SOAT1: variants seen among roughly 807,000 people sequenced by gnomAD.
The protein encoded by SOAT1 is acyl-coenzyme A:cholesterol acyltransferase 1.
In SOAT1, 55 loss-of-function variants were observed where a neutral mutation model predicts 69.5. The ratio of observed to expected loss-of-function variants is 0.79; its 90% CI spans 0.64 to 0.99. SOAT1 has a LOEUF of 0.99. SOAT1 is among the 50% of genes least tolerant of loss of function. The probability of loss-of-function intolerance (pLI) is 0.00; values close to 1 mark genes in which losing one functional copy is unlikely to be tolerated. For synonymous variants in SOAT1, 231 were observed against 224.7 expected (o/e 1.03, Z -0.25); for missense variants, 580 against 669.3 (o/e 0.87, Z 1.47).
chr1:179,321,688 G>A (rs1010000251), intron 2 of SOAT1, among the ~76,000 whole-genome samples: 1 of 152,006 alleles, frequency 6.6e-6, no homozygotes, highest in African/African-American at 2.4e-5. Flanking sequence ...ATTTCTCTGG[G>A]CTATCCTCTG....
chr1:179,344,352 GGT>G (rs1558056808), intron 10 of SOAT1, among the ~76,000 whole-genome samples: 4 of 120,558 alleles, frequency 3.3e-5, no homozygotes, highest in Admixed American at 8.8e-5. Context: ...TTCATTAAGG[GGT>G]TTTTTTTTTT....
chr1:179,306,168 G>A (rs1187917904), intron 2 of SOAT1, among the ~76,000 whole-genome samples: 3 of 152,146 alleles, frequency 2.0e-5, no homozygotes, highest in Non-Finnish European at 4.4e-5. Flanking sequence ...GGTTTTCATG[G>A]ATAGGAGTAT....
chr1:179,348,753 G>A (rs1345609577), intron 12 of SOAT1, 91 bp from the exon 13 acceptor site: 13 of 670,896 alleles, frequency 1.9e-5, no homozygotes, highest in Non-Finnish European at 3.4e-5. Context: ...GTTTGCTTTC[G>A]GGTGGGATGT....
intron 2 of SOAT1, among the ~76,000 whole-genome samples, chr1:179,310,825 C>A (rs968361787): frequency 6.6e-6 from 1 of 152,162 alleles, no homozygotes; most frequent in East Asian, 1.9e-4. Flanking sequence ...TCTGTTCTTG[C>A]CACAAGTAGA....
intron 15 of SOAT1, 111 bp from the exon 16 acceptor site, chr1:179,353,474 G>T: frequency 1.1e-6 from 1 of 909,658 alleles, no homozygotes; most frequent in Non-Finnish European, 1.8e-6. Context: ...TGAAATGGTG[G>T]GAGGCATTTT....
intron 2 of SOAT1, among the ~76,000 whole-genome samples, chr1:179,313,867 A>G (rs1312095928): frequency 6.6e-6 from 1 of 152,208 alleles, no homozygotes; most frequent in Non-Finnish European, 1.5e-5. Flanking sequence ...TACAGGTGTG[A>G]GCCACCGTGC....
chr1:179,342,627 A>G (rs1435738962), intron 8 of SOAT1, among the ~76,000 whole-genome samples: 1 of 152,116 alleles, frequency 6.6e-6, no homozygotes, highest in Non-Finnish European at 1.5e-5. Flanking sequence ...TTCTTTGCAA[A>G]TTGTTGCTTC....
chr1:179,318,036 TAAA>T (rs35863158), intron 2 of SOAT1, among the ~76,000 whole-genome samples: 3 of 150,694 alleles, frequency 2.0e-5, no homozygotes, highest in Non-Finnish European at 4.4e-5. Flanking sequence ...ACAAAACACT[TAAA>T]AAAAAATTAG....
At chr1:179,343,303 C>A (rs548214841) in intron 9 of SOAT1, among the ~76,000 whole-genome samples, 5 of 152,178 alleles carry the variant, frequency 3.3e-5, no homozygotes, top group African/African-American at 1.2e-4. Context: ...CGGCTCCCTG[C>A]AACCTCTGCC....
At chr1:179,344,847 A>C (rs1666469599) in intron 10 of SOAT1, 100 bp from the exon 11 acceptor site, 15 of 1,086,492 alleles carry the variant, frequency 1.4e-5, no homozygotes, top group African/African-American at 7.8e-5. Flanking sequence ...TGCGAACATT[A>C]CTGTAAGGGT....
At chr1:179,298,021 A>T (rs570137339) in intron 1 of SOAT1, among the ~76,000 whole-genome samples, 35 of 148,596 alleles carry the variant, frequency 2.4e-4, no homozygotes, top group Non-Finnish European at 1.2e-4. Flanking sequence ...AAAAAGATTG[A>T]TGGTGTTTAA....
chr1:179,334,345 G>C (rs1482853417), intron 3 of SOAT1, among the ~76,000 whole-genome samples: 1 of 152,164 alleles, frequency 6.6e-6, no homozygotes, highest in Non-Finnish European at 1.5e-5. Flanking sequence ...ATAGATTATA[G>C]AAGTGTAATT....
chr1:179,338,173 G>T (rs1666220969), intron 5 of SOAT1, among the ~76,000 whole-genome samples: 1 of 152,170 alleles, frequency 6.6e-6, no homozygotes, highest in South Asian at 2.1e-4. Flanking sequence ...CAGATCGCTT[G>T]AGTCCAGGAG....
chr1:179,351,517 A>C (rs1666733156), intron 15 of SOAT1, 55 bp downstream of exon 15: 3 of 1,576,720 alleles, frequency 1.9e-6, no homozygotes, highest in Non-Finnish European at 2.6e-6. Flanking sequence ...TCTGTTTGTG[A>C]GAGTTGGTGG....
At chr1:179,300,050 C>T (rs185436161) in intron 1 of SOAT1, among the ~76,000 whole-genome samples, 66 of 151,748 alleles carry the variant, frequency 4.3e-4, no homozygotes, top group African/African-American at 1.3e-3. Context: ...CATGAGCCAC[C>T]GCACCCGGCT....
chr1:179,294,161 G>C (rs767108397), intron 1 of SOAT1, among the ~76,000 whole-genome samples: 6 of 152,242 alleles, frequency 3.9e-5, no homozygotes, highest in Non-Finnish European at 5.9e-5. Flanking sequence ...AACCCTGCAC[G>C]CTGGTTTGGT....
intron 2 of SOAT1, among the ~76,000 whole-genome samples, chr1:179,307,594 G>T (rs1476044578): frequency 6.9e-6 from 1 of 145,024 alleles, no homozygotes; most frequent in Non-Finnish European, 1.5e-5. Flanking sequence ...ACTACTGGAA[G>T]ATTTGCAGAC....
chr1:179,331,399 C>G (rs1264309519), intron 3 of SOAT1, among the ~76,000 whole-genome samples: 1 of 152,064 alleles, frequency 6.6e-6, no homozygotes, highest in African/African-American at 2.4e-5. Flanking sequence ...ACACTATATG[C>G]AAAATGCATG....
At chr1:179,343,047 T>C in intron 9 of SOAT1, 104 bp downstream of exon 9, 1 of 843,134 alleles carries the variant, frequency 1.2e-6, no homozygotes, top group East Asian at 2.4e-5. Context: ...ATAGAAAATA[T>C]AGAATGAGTT....
Sources: gnomAD v4.1 joint callset for allele counts (sites outside exome capture counted in the v4.1 genomes callset) on GRCh38, gnomAD v4.1.1 for gene constraint, MANE v1.5 for transcripts, NCBI Gene and HGNC (gene_info 2026-07-23, HGNC 2026-07-21) for gene names.